Variants in PLCL2 observed in about 807,000 individuals in gnomAD.
PLCL2 encodes inactive phospholipase C-like protein 2.
A neutral mutation model predicts 79.6 loss-of-function variants in PLCL2; 4 were observed. The ratio of observed to expected loss-of-function variants is 0.05; its 90% CI spans 0.02 to 0.11. PLCL2 has a LOEUF of 0.11. Among genes scored for constraint, PLCL2 ranks in the 10% least tolerant of loss-of-function variants. The pLI is 1.00. For synonymous variants in PLCL2, 484 were observed against 457.7 expected, an observed-to-expected ratio of 1.06 and a Z score of -0.73; for missense variants, 895 against 1,291.0, an observed-to-expected ratio of 0.69 and a Z score of 4.70.
At chr3:16,969,006 A>T (rs745512860) in intron 1 of PLCL2, among the ~76,000 whole-genome samples, 1 of 152,038 alleles carries the variant, frequency 6.6e-6, no homozygotes. Flanking sequence ...TGAGATGTTC[A>T]TGTGGTTTTT....
At position 16,885,345 on chromosome 3, in the gene PLCL2, C is replaced by A. The variant is rs763210991; in HGVS notation, c.306C>A (p.Pro102=). 1.5e-6 allele frequency: 1 copy of A among 652,344 alleles called. No individual in the cohort carries two copies. Among genetic ancestry groups the A allele is most frequent in the South Asian group, 1.6e-5 (1 of 62,528 alleles). The allele number at this position is 652,344 out of a possible 1,614,324, so 40.4% of individuals were successfully genotyped here. A position where few individuals can be genotyped will look rare whatever the true frequency, so the allele number is the denominator to read the frequency against. The stretch of plus-strand genomic sequence containing the variant: ...GGGAGAGCAAGCCGGGCGGCCTGCC[C>A]CGCCGGAGCAGCATCATCAAGGTAG... The part of the protein sequence containing the change: ...LPRESKPGGL[P]RRSSIIKDGT... Residue 102 remains proline, a synonymous_variant, in exon 1 of 6, where the codon CCC becomes CCA. Transcript: ENST00000615277.
At chr3:17,028,347 C>T (rs2064540948) in intron 3 of PLCL2, among the ~76,000 whole-genome samples, 1 of 152,196 alleles carries the variant, frequency 6.6e-6, no homozygotes, top group African/African-American at 2.4e-5. Context: ...GAAACCCTCT[C>T]CCACCTGAGG....
chr3:16,968,287 T>C (rs2063825639), intron 1 of PLCL2, among the ~76,000 whole-genome samples: 1 of 152,144 alleles, frequency 6.6e-6, no homozygotes, highest in South Asian at 2.1e-4. Flanking sequence ...TTAACATAGT[T>C]TTTTTCTAAT....
chr3:16,956,611 C>T (rs1460340638), intron 1 of PLCL2, among the ~76,000 whole-genome samples: 3 of 152,198 alleles, frequency 2.0e-5, no homozygotes, highest in South Asian at 2.1e-4. Context: ...ATGGTACCAG[C>T]TCCTCCTTGT....
chr3:16,994,735 A>G (rs925763647), intron 1 of PLCL2, among the ~76,000 whole-genome samples: 2 of 152,170 alleles, frequency 1.3e-5, no homozygotes, highest in African/African-American at 4.8e-5. Context: ...TCGGGGGCTC[A>G]AGAGACTTGA....
At chr3:16,918,642 T>A (rs1697053865) in intron 1 of PLCL2, among the ~76,000 whole-genome samples, 1 of 152,114 alleles carries the variant, frequency 6.6e-6, no homozygotes, top group African/African-American at 2.4e-5. Context: ...AGAATTATGT[T>A]CCACAGGATG....
chr3:16,918,973 G>A (rs1263693585), intron 1 of PLCL2, among the ~76,000 whole-genome samples: 1 of 152,050 alleles, frequency 6.6e-6, no homozygotes, highest in Non-Finnish European at 1.5e-5. Flanking sequence ...AGTACTTCAG[G>A]AAAACTCTGG....
intron 1 of PLCL2, among the ~76,000 whole-genome samples, chr3:16,914,660 G>A (rs1049758616): frequency 1.1e-4 from 17 of 151,574 alleles, no homozygotes; most frequent in Admixed American, 2.6e-4. Context: ...ATTTGTTAGC[G>A]TCTTCTTGTT....
At chr3:16,964,847 G>A (rs2063789719) in intron 1 of PLCL2, among the ~76,000 whole-genome samples, 1 of 152,076 alleles carries the variant, frequency 6.6e-6, no homozygotes, top group Admixed American at 6.6e-5. Flanking sequence ...CATGTCCTTT[G>A]CCCACTTTTT....
intron 5 of PLCL2, among the ~76,000 whole-genome samples, chr3:17,085,424 G>GC (rs2065208162): frequency 6.8e-6 from 1 of 146,752 alleles, no homozygotes; most frequent in Non-Finnish European, 1.5e-5. Context: ...ACCACACCCA[G>GC]CCAATTTATT....
intron 4 of PLCL2, among the ~76,000 whole-genome samples, chr3:17,050,639 C>T (rs1318542896): frequency 1.3e-5 from 2 of 152,044 alleles, no homozygotes; most frequent in Admixed American, 1.3e-4. Flanking sequence ...AAAAGTCAGT[C>T]AATAACAAAT....
At position 16,915,712 on chromosome 3, in the gene PLCL2, TA is replaced by T. The variant is rs1208767428; in HGVS notation, c.327+30347del. ...TTCCTTCCAAATTCATCAACTGAACTATGGGAAACTTTGTTTCTTAAAAGGT... is the reference window on the plus strand; with the variant it reads ...TTCCTTCCAAATTCATCAACTGAACTTGGGAAACTTTGTTTCTTAAAAGGT... On this transcript the variant is annotated intron_variant, in intron 1 of 5. Coordinates refer to ENST00000615277, the MANE Select transcript of PLCL2 (RefSeq NM_001144382.2). 2.6e-5 allele frequency among the ~76,000 whole-genome samples: 4 copies of T among 152,234 alleles called. No individual in the cohort carries two copies. In the East Asian group the frequency reaches 5.8e-4, roughly 22 times the overall value.
chr3:16,900,406 T>C (rs1696590646), intron 1 of PLCL2, among the ~76,000 whole-genome samples: 1 of 152,246 alleles, frequency 6.6e-6, no homozygotes, highest in African/African-American at 2.4e-5. Flanking sequence ...CTATAAACTT[T>C]ATATCTAGCA....
chr3:17,083,699 G>T (rs528911799), intron 5 of PLCL2, among the ~76,000 whole-genome samples: 7 of 152,316 alleles, frequency 4.6e-5, no homozygotes, highest in Non-Finnish European at 8.8e-5. Flanking sequence ...TATATGTTTT[G>T]AAGATTGTGA....
At chr3:17,035,753 A>C (rs369684212) in intron 3 of PLCL2, 8 of 516,280 alleles carry the variant, frequency 1.5e-5, no homozygotes, top group Non-Finnish European at 2.7e-5. Context: ...TCTTCTATCC[A>C]TGTTTCCTTA....
At chr3:16,965,460 C>T (rs1000332453) in intron 1 of PLCL2, among the ~76,000 whole-genome samples, 1 of 151,892 alleles carries the variant, frequency 6.6e-6, no homozygotes, top group African/African-American at 2.4e-5. Context: ...AGCGTGATGC[C>T]TCCAGCTTTG....
chr3:16,970,193 T>C (rs941308999), intron 1 of PLCL2, among the ~76,000 whole-genome samples: 2 of 151,960 alleles, frequency 1.3e-5, no homozygotes, highest in Non-Finnish European at 2.9e-5. Context: ...GTATATCGCC[T>C]AATGCTATCT....
chr3:16,911,915 C>T (rs1013772979), intron 1 of PLCL2, among the ~76,000 whole-genome samples: 1 of 152,068 alleles, frequency 6.6e-6, no homozygotes, highest in African/African-American at 2.4e-5. Context: ...GTTTCGTACA[C>T]AAAATTATTA....
intron 1 of PLCL2, among the ~76,000 whole-genome samples, chr3:16,944,864 A>G (rs1025276334): frequency 6.6e-5 from 10 of 151,652 alleles, no homozygotes; most frequent in Non-Finnish European, 1.2e-4. Flanking sequence ...GGTTCAAGCA[A>G]TTCTCCTACC....
Sources: gnomAD v4.1 joint callset for allele counts (sites outside exome capture counted in the v4.1 genomes callset) on GRCh38, gnomAD v4.1.1 for gene constraint, MANE v1.5 for transcripts, NCBI Gene and HGNC (gene_info 2026-07-23, HGNC 2026-07-21) for gene names.